NPHP3: variants seen among roughly 807,000 people sequenced by gnomAD.
NPHP3 encodes the protein nephrocystin-3.
Under a neutral mutation model 171.9 loss-of-function variants are expected in NPHP3, and 123 were observed. The observed-to-expected ratio is 0.72, with a 90% CI of 0.62 to 0.83. NPHP3 has a LOEUF of 0.83. Ranked by LOEUF, NPHP3 falls within the 40% of genes least tolerant of loss-of-function variation. The pLI, the probability that NPHP3 is intolerant of heterozygous loss-of-function variation, is 0.00. For missense variants in NPHP3, 1,506 were observed against 1,591.9 expected, an observed-to-expected ratio of 0.95 and a Z score of 0.92; for synonymous variants, 558 against 579.2, an observed-to-expected ratio of 0.96 and a Z score of 0.52.
At chr3:132,708,361 T>C in intron 6 of NPHP3, 104 bp from the exon 7 acceptor site, 2 of 1,163,612 alleles carry the variant, frequency 1.7e-6, no homozygotes, top group Non-Finnish European at 2.5e-6. Context: ...CAGTGACAAG[T>C]GGCCAGAAAA....
rs573311242 is a variant in NPHP3 at position 132,712,836 on chromosome 3, T to C, written c.1118+290A>G. 9.9e-5 allele frequency among the ~76,000 whole-genome samples: 15 copies of C among 152,166 alleles called. No homozygotes were observed. The East Asian group carries it at 2.9e-3, about 29-fold the overall frequency. ...GTGGCTGTGTTCCAATAAAACTTTA[T>C]TTACAAAAGCAAACTCCTGGCTAGA... On this transcript the variant is annotated intron_variant, in intron 6 of 26. Coordinates refer to ENST00000337331, the MANE Select transcript of NPHP3 (RefSeq NM_153240.5).
Position 132,681,796 on chromosome 3 carries a change from A to C in NPHP3, c.*114T>G. ...ACAACTTCATACAAATAGCAGTTAA[A>C]TCACACGTAGTAAAATTTCGTACAA... On this transcript the variant is annotated 3_prime_UTR_variant, in exon 27 of 27. Coordinates refer to ENST00000337331, the MANE Select transcript of NPHP3 (RefSeq NM_153240.5). The C allele has an allele frequency of 2.3e-6, 2 of 857,304 alleles. No homozygotes were observed. Among genetic ancestry groups the C allele is most frequent in the Non-Finnish European group, 3.9e-6 (2 of 514,484 alleles). 53.1% of individuals were successfully genotyped at this position (857,304 alleles called of 1,614,324 possible).
At chr3:132,700,269 T>G (rs1214732818) in intron 11 of NPHP3, 65 bp downstream of exon 11, 12 of 1,286,368 alleles carry the variant, frequency 9.3e-6, no homozygotes, top group Non-Finnish European at 1.1e-5. Context: ...AGTAGGTACT[T>G]ATTAGTCCCA....
rs1939272688 is a variant in NPHP3, at chr3:132,690,513, T to G, written c.2693+15A>C. 1.9e-6 allele frequency: 3 copies of G among 1,610,132 alleles called. No homozygotes were observed. Among genetic ancestry groups the G allele is most frequent in the Non-Finnish European group, 2.5e-6 (3 of 1,176,566 alleles). Reference sequence around the variant, plus strand: ...TCTCTCTTTCTGGGGAAAGATGTTCTATAATGTTTCTTACCTTTTATAAAG... The same window carrying G: ...TCTCTCTTTCTGGGGAAAGATGTTCGATAATGTTTCTTACCTTTTATAAAG... On this transcript the variant is annotated intron_variant, in intron 19 of 26. Transcript: ENST00000337331.
intron 19 of NPHP3, among the ~76,000 whole-genome samples, 173 bp from the exon 20 acceptor site, chr3:132,689,436 G>A (rs754804105): frequency 2.0e-5 from 3 of 152,168 alleles, no homozygotes; most frequent in Admixed American, 2.0e-4. Context: ...TCCTAGCTAT[G>A]TAATCTTGAG....
chr3:132,707,741 C>A (rs1939792041), intron 7 of NPHP3, among the ~76,000 whole-genome samples: 1 of 152,108 alleles, frequency 6.6e-6, no homozygotes, highest in South Asian at 2.1e-4. Context: ...GCATCTCTCA[C>A]CTGTATGATG....
rs1940257077 is a variant in NPHP3, at chr3:132,722,279, T to TCGC, written c.74_76dup (p.Gly25dup). On this transcript the variant is annotated inframe_insertion, in exon 1 of 27. Transcript: ENST00000337331. ...CACCTCCACCGGGATCTCGCAGGCC[T>TCGC]CGCCGCCGCCCGCCCCGTACGTGTC... 6.3e-7 allele frequency: 1 copy of TCGC among 1,577,598 alleles called. No homozygotes were observed. The highest frequency in any genetic ancestry group is 8.5e-7 in the Non-Finnish European group (1 of 1,171,074).
Position 132,700,414 on chromosome 3 carries a change from G to A in NPHP3, c.1663C>T (p.Leu555=), listed in dbSNP as rs1939575236. Residue 555 remains leucine, a synonymous_variant, in exon 11 of 27, where the codon CTG becomes TTG. Coordinates refer to ENST00000337331, the MANE Select transcript of NPHP3 (RefSeq NM_153240.5). The stretch of plus-strand genomic sequence containing the variant: ...CTTCCCACAAAATGGGAAAGAATCA[G>A]TGTGTTGGGGGAATTCTTCTGTTGT... ...QLQQKNSPNT[L]ILSHFVGRPM... The A allele has an allele frequency of 6.2e-6, 10 of 1,612,394 alleles. No individual in the cohort carries two copies. The East Asian group carries it at 2.2e-4, about 36-fold the overall frequency.
At chr3:132,697,198 A>G in intron 14 of NPHP3, 62 bp downstream of exon 14, 4 of 1,134,724 alleles carry the variant, frequency 3.5e-6, no homozygotes, top group Non-Finnish European at 4.0e-6. Context: ...TAAGTCTCAC[A>G]TAAGATGTTT....
Position 132,713,218 on chromosome 3 carries a change from T to C in NPHP3, c.1026A>G (p.Pro342=), listed in dbSNP as rs201107760. 1.8e-5 allele frequency: 29 copies of C among 1,595,512 alleles called. No individual in the cohort carries two copies. The highest frequency in any genetic ancestry group is 2.1e-5 in the Non-Finnish European group (25 of 1,166,518). The change falls in exon 6 of 27, where the codon CCA becomes CCG. Residue 342 remains proline (P), a synonymous_variant. Transcript: ENST00000337331. ...TGAGGTATTGATTTTCAACATCTATTGGAAAATAAACAGCATGGAAAAAAT... is the reference window on the plus strand; with the variant it reads ...TGAGGTATTGATTTTCAACATCTATCGGAAAATAAACAGCATGGAAAAAAT... The part of the protein sequence containing the change: ...MGYFFHAVYF[P]IDVENQYLTV...
Position 132,689,086 on chromosome 3 carries a change from G to A in NPHP3, c.2871C>T (p.Gly957=), listed in dbSNP as rs2107967950. 1 of 1,614,114 alleles carries A rather than the reference G, an allele frequency of 6.2e-7. No homozygotes were observed. Among genetic ancestry groups the A allele is most frequent in the Non-Finnish European group, 8.5e-7 (1 of 1,179,982 alleles). The part of the protein sequence containing the change: ...ETLGRFLKDL[G]LLSQAIVPLQ... Reference sequence around the variant, plus strand: ...CTGCTGAGCTTACCTGACTGAGAAGGCCTAGATCCTTGAGAAATCGCCCCA... The same window carrying A: ...CTGCTGAGCTTACCTGACTGAGAAGACCTAGATCCTTGAGAAATCGCCCCA... The change falls in exon 20 of 27, where the codon GGC becomes GGT. Residue 957 remains glycine, a synonymous_variant. Transcript: ENST00000337331.
intron 4 of NPHP3, among the ~76,000 whole-genome samples, chr3:132,716,030 GC>G (rs1940041190): frequency 1.1e-5 from 1 of 88,500 alleles, no homozygotes; most frequent in South Asian, 3.6e-4. Context: ...GCCCAGGATG[GC>G]TTTGCAGCCC....
chr3:132,686,906 G>C (rs940084296), intron 22 of NPHP3, among the ~76,000 whole-genome samples: 3 of 152,108 alleles, frequency 2.0e-5, no homozygotes, highest in Non-Finnish European at 4.4e-5. Flanking sequence ...AACTGAGGTA[G>C]CTTTAAATTC....
rs1199918437 is a variant in NPHP3, at chr3:132,689,199, T to C, written c.2758A>G (p.Thr920Ala). 6.2e-7 allele frequency: 1 copy of C among 1,614,054 alleles called. No homozygotes were observed. Among genetic ancestry groups the C allele is most frequent in the Non-Finnish European group, 8.5e-7 (1 of 1,180,000 alleles). ...FVGKDKSAMATEYFDSLKQYE... is the reference protein window; with the variant it reads ...FVGKDKSAMAAEYFDSLKQYE... ...TGCTTCAATGAATCGAAGTATTCTG[T>C]TGCCATTGCACTTTTGTCTTTGCCA... The change falls in exon 20 of 27, where the codon ACA becomes GCA. Residue 920 changes from threonine to alanine, a missense_variant. Physicochemically the swap from Thr to Ala is moderately conservative, Grantham distance 58. Coordinates refer to ENST00000337331, the MANE Select transcript of NPHP3 (RefSeq NM_153240.5).
intron 6 of NPHP3, 62 bp downstream of exon 6, chr3:132,713,064 G>C (rs1319341875): frequency 1.2e-6 from 1 of 838,872 alleles, no homozygotes; most frequent in Non-Finnish European, 1.8e-6. Flanking sequence ...AAGCTTATTT[G>C]GCAAACTCAA....
chr3:132,711,335 A>G (rs1428266768), intron 6 of NPHP3, among the ~76,000 whole-genome samples: 1 of 152,230 alleles, frequency 6.6e-6, no homozygotes, highest in East Asian at 1.9e-4. Context: ...AGAGACTAAA[A>G]TTATTAAATT....
intron 23 of NPHP3, 142 bp downstream of exon 23, chr3:132,686,118 C>G: frequency 1.3e-6 from 1 of 789,366 alleles, no homozygotes; most frequent in Non-Finnish European, 2.2e-6. Context: ...TATGTGTATG[C>G]TCATTATATA....
chr3:132,708,531 C>A (rs1939818629), intron 6 of NPHP3, among the ~76,000 whole-genome samples: 1 of 152,070 alleles, frequency 6.6e-6, no homozygotes, highest in Non-Finnish European at 1.5e-5. Context: ...ATTTTTTAAA[C>A]CTAAAAAAGA....
chr3:132,719,905 T>G, intron 1 of NPHP3, 75 bp from the exon 2 acceptor site: 1 of 147,116 alleles, frequency 6.8e-6, no homozygotes. Flanking sequence ...TATATATACA[T>G]ATATATATAT....
Sources: gnomAD v4.1 joint callset for allele counts (sites outside exome capture counted in the v4.1 genomes callset) on GRCh38, gnomAD v4.1.1 for gene constraint, MANE v1.5 for transcripts, NCBI Gene and HGNC (gene_info 2026-07-23, HGNC 2026-07-21) for gene names.